The following MACROD2 variants were observed in gnomAD, a reference collection of about 807,000 sequenced individuals.
MACROD2 encodes the protein mono-ADP ribosylhydrolase 2, also known as ADP-ribose glycohydrolase MACROD2.
A neutral mutation model predicts 70.4 loss-of-function variants in MACROD2; 36 were observed. The ratio of observed to expected loss-of-function variants is 0.51; its 90% CI spans 0.39 to 0.68. The LOEUF (loss-of-function observed/expected upper bound fraction) is 0.68. Ranked by LOEUF, MACROD2 falls within the 30% of genes least tolerant of loss-of-function variation. The probability of loss-of-function intolerance (pLI) is 0.00; values close to 1 mark genes in which losing one functional copy is unlikely to be tolerated. For synonymous variants in MACROD2, 172 were observed against 178.8 expected (o/e 0.96, Z 0.30); for missense variants, 496 against 538.4 (o/e 0.92, Z 0.78).
chr20:15,523,028 A>T (rs2047673980), intron 8 of MACROD2, among the ~76,000 whole-genome samples: 1 of 152,200 alleles, frequency 6.6e-6, no homozygotes, highest in South Asian at 2.1e-4. Flanking sequence ...ACTGGGGAAG[A>T]TGCATAAGTA....
intron 6 of MACROD2, among the ~76,000 whole-genome samples, chr20:15,396,758 G>A (rs1029691452): frequency 2.6e-5 from 4 of 152,076 alleles, no homozygotes; most frequent in East Asian, 1.9e-4. Flanking sequence ...ATTCCTTCCC[G>A]CTGGGACATT....
intron 7 of MACROD2, among the ~76,000 whole-genome samples, chr20:15,457,291 C>A (rs1005851489): frequency 6.6e-6 from 1 of 151,938 alleles, no homozygotes; most frequent in African/African-American, 2.4e-5. Context: ...TTTTGAGGAG[C>A]TAAAATGGTA....
chr20:15,601,017 C>A (rs760088404), intron 8 of MACROD2, among the ~76,000 whole-genome samples: 5 of 152,104 alleles, frequency 3.3e-5, no homozygotes, highest in Admixed American at 1.3e-4. Context: ...AGCCAGGCAA[C>A]CCCTCATTAA....
At chr20:15,927,332 C>A (rs1172689177) in intron 10 of MACROD2, among the ~76,000 whole-genome samples, 1 of 152,110 alleles carries the variant, frequency 6.6e-6, no homozygotes, top group East Asian at 1.9e-4. Context: ...AAAAAAGAGA[C>A]ATCTCTCTGC....
chr20:15,430,737 A>G (rs1040183482), intron 6 of MACROD2, among the ~76,000 whole-genome samples: 1 of 152,048 alleles, frequency 6.6e-6, no homozygotes, highest in Non-Finnish European at 1.5e-5. Flanking sequence ...TTGTACTGAC[A>G]TAAAGAACAT....
chr20:14,732,147 A>G (rs927998545), intron 5 of MACROD2, among the ~76,000 whole-genome samples: 3 of 152,222 alleles, frequency 2.0e-5, no homozygotes, highest in Admixed American at 2.0e-4. Context: ...GAATATTTAT[A>G]GTCCAGTAAG....
intron 6 of MACROD2, among the ~76,000 whole-genome samples, chr20:15,310,753 A>G (rs2077743536): frequency 6.6e-6 from 1 of 152,124 alleles, no homozygotes; most frequent in African/African-American, 2.4e-5. Flanking sequence ...GGTGAAATCC[A>G]GTCAAGCAGA....
chr20:15,359,700 T>C (rs914042585), intron 6 of MACROD2, among the ~76,000 whole-genome samples: 14 of 152,122 alleles, frequency 9.2e-5, no homozygotes, highest in Admixed American at 2.6e-4. Flanking sequence ...TTACATCCCT[T>C]GTCACTAATT....
intron 4 of MACROD2, among the ~76,000 whole-genome samples, chr20:14,658,657 A>T (rs1986086777): frequency 6.6e-6 from 1 of 152,218 alleles, no homozygotes; most frequent in South Asian, 2.1e-4. Flanking sequence ...TCTGTCACCC[A>T]GGCTGGAGTG....
intron 11 of MACROD2, among the ~76,000 whole-genome samples, chr20:15,936,092 T>C (rs2065654536): frequency 6.6e-6 from 1 of 152,186 alleles, no homozygotes; most frequent in South Asian, 2.1e-4. Flanking sequence ...TTTTCATGCA[T>C]ATATGAGTTA....
intron 3 of MACROD2, among the ~76,000 whole-genome samples, chr20:14,115,816 G>A (rs1018104058): frequency 6.6e-6 from 1 of 152,090 alleles, no homozygotes; most frequent in African/African-American, 2.4e-5. Flanking sequence ...AATAAAATAA[G>A]ACAGAAATAC....
intron 5 of MACROD2, among the ~76,000 whole-genome samples, chr20:14,734,545 G>GC (rs1491480993): frequency 2.1e-4 from 17 of 82,058 alleles, no homozygotes; most frequent in African/African-American, 4.3e-4. Context: ...AAACAAAAAA[G>GC]CAAAAAAAAA....
intron 6 of MACROD2, among the ~76,000 whole-genome samples, chr20:15,392,986 A>G (rs1458637962): frequency 6.6e-6 from 1 of 152,010 alleles, no homozygotes; most frequent in African/African-American, 2.4e-5. Flanking sequence ...AGCATGGGAT[A>G]AGGGTGGCGG....
intron 3 of MACROD2, among the ~76,000 whole-genome samples, chr20:14,460,971 T>A (rs2084362791): frequency 1.3e-5 from 2 of 151,886 alleles, no homozygotes; most frequent in South Asian, 2.1e-4. Context: ...CTTTTTTTTT[T>A]ATCGTTCGGA....
chr20:14,741,581 A>G (rs2071732776), intron 5 of MACROD2, among the ~76,000 whole-genome samples: 1 of 152,172 alleles, frequency 6.6e-6, no homozygotes, highest in Admixed American at 6.5e-5. Flanking sequence ...TCCTGACATT[A>G]TGTAAGAAGA....
At chr20:15,811,248 A>T (rs1250703514) in intron 8 of MACROD2, among the ~76,000 whole-genome samples, 34 of 149,582 alleles carry the variant, frequency 2.3e-4, no homozygotes, top group South Asian at 6.4e-4. Flanking sequence ...CAAGAAAAAA[A>T]CAAACAACCC....
intron 3 of MACROD2, among the ~76,000 whole-genome samples, chr20:14,365,802 T>C (rs933412545): frequency 1.3e-5 from 2 of 152,186 alleles, no homozygotes; most frequent in African/African-American, 4.8e-5. Flanking sequence ...TTTTGGCATG[T>C]TGTATTTTCA....
chr20:15,193,956 A>ATCAG (rs141636223), intron 5 of MACROD2, among the ~76,000 whole-genome samples: 1,952 of 152,050 alleles, frequency 0.013, 37 homozygotes, highest in African/African-American at 0.043. Flanking sequence ...TTTAAAAGAA[A>ATCAG]TCAGGTAGGC....
intron 8 of MACROD2, among the ~76,000 whole-genome samples, chr20:15,824,704 A>G (rs1243270940): frequency 1.3e-5 from 2 of 152,182 alleles, no homozygotes; most frequent in Non-Finnish European, 2.9e-5. Context: ...GCCGATGAGT[A>G]TTTCAGCTCT....
Sources: gnomAD v4.1 joint callset for allele counts (sites outside exome capture counted in the v4.1 genomes callset) on GRCh38, gnomAD v4.1.1 for gene constraint, MANE v1.5 for transcripts, NCBI Gene and HGNC (gene_info 2026-07-23, HGNC 2026-07-21) for gene names.